The following ZC3H12B variants were observed in gnomAD, a reference collection of about 807,000 sequenced individuals.
ZC3H12B encodes zinc finger CCCH-type containing 12B.
ZC3H12B carries 7 observed loss-of-function variants against 43.9 expected under a neutral mutation model. The observed-to-expected ratio is 0.16, with a 90% confidence interval of 0.09 to 0.30. The LOEUF (loss-of-function observed/expected upper bound fraction) is 0.30, where lower values mean the gene tolerates loss of function less well. Ranked by LOEUF, ZC3H12B falls within the 10% of genes least tolerant of loss-of-function variation. ZC3H12B has a pLI of 1.00. For missense variants in ZC3H12B, 475 were observed against 670.2 expected (o/e 0.71, Z 3.22); for synonymous variants, 222 against 241.7 (o/e 0.92, Z 0.76).
the ZC3H12B span, among the ~76,000 whole-genome samples, chrX:65,319,055 G>A: frequency 9.0e-6 from 1 of 111,263 alleles, no homozygotes; most frequent in African/African-American, 3.3e-5. Context: ...AGCTAGCAGA[G>A]CAGAGGACAA....
At chrX:65,418,595 A>G (rs952969115) in intron 3 of ZC3H12B, among the ~76,000 whole-genome samples, 1 of 112,048 alleles carries the variant, frequency 8.9e-6, no homozygotes, top group African/African-American at 3.2e-5. Context: ...AGCAACAATC[A>G]GAATAGCCTG....
the ZC3H12B span, among the ~76,000 whole-genome samples, chrX:65,135,916 G>A: frequency 3.5e-4 from 38 of 109,907 alleles, no homozygotes; most frequent in East Asian, 1.4e-3. Flanking sequence ...TTTCTTTGCT[G>A]AAGTTCTCTA....
intron 3 of ZC3H12B, among the ~76,000 whole-genome samples, chrX:65,413,428 T>C (rs1391042579): frequency 8.9e-6 from 1 of 112,359 alleles, no homozygotes; most frequent in East Asian, 2.8e-4. Flanking sequence ...TTTTCACTCA[T>C]ATATGGGTCA....
the ZC3H12B span, among the ~76,000 whole-genome samples, chrX:65,102,634 C>T: frequency 6.7e-4 from 75 of 111,762 alleles, no homozygotes; most frequent in African/African-American, 2.4e-3. Flanking sequence ...CTCCCATTCA[C>T]AATTGCTACA....
rs149511714 is a variant in ZC3H12B, at chrX:65,439,017, C to T, written n.407+40313C>T. Among the ~76,000 whole-genome samples, 240 of 112,402 alleles carry T rather than the reference C, an allele frequency of 2.1e-3. 3 individuals carry two copies. The East Asian group carries it at 0.047, about 22-fold the overall frequency. ...ATGGTGAGCTACTTTTCTCAGGAGTCGGGATCCACATCTGCAGACTATACA... is the reference window on the plus strand; with the variant it reads ...ATGGTGAGCTACTTTTCTCAGGAGTTGGGATCCACATCTGCAGACTATACA... On this transcript the variant is annotated intron_variant and non_coding_transcript_variant, in intron 3 of 5. Transcript: ENST00000617377.
At chrX:65,409,197 T>C (rs2066873331) in intron 3 of ZC3H12B, among the ~76,000 whole-genome samples, 1 of 111,454 alleles carries the variant, frequency 9.0e-6, no homozygotes, top group African/African-American at 3.3e-5. Context: ...AAACTAAATC[T>C]TATGTTTACA....
At chrX:65,214,671 G>A in the ZC3H12B span, among the ~76,000 whole-genome samples, 10 of 110,794 alleles carry the variant, frequency 9.0e-5, no homozygotes, top group African/African-American at 2.9e-4. Flanking sequence ...ATAAAGTTTG[G>A]AATAAACTCA....
chrX:65,451,060 G>A (rs1019193835), intron 3 of ZC3H12B, among the ~76,000 whole-genome samples: 1 of 107,945 alleles, frequency 9.3e-6, no homozygotes, highest in African/African-American at 3.4e-5. Context: ...CGATTCTTCT[G>A]CCTCAGCCTC....
chrX:65,155,758 G>A, the ZC3H12B span, among the ~76,000 whole-genome samples: 20 of 110,774 alleles, frequency 1.8e-4, no homozygotes, highest in African/African-American at 5.9e-4. Flanking sequence ...TAGTTGGGAG[G>A]TTGATGTGGG....
At chrX:65,288,310 C>T in the ZC3H12B span, among the ~76,000 whole-genome samples, 14 of 110,720 alleles carry the variant, frequency 1.3e-4, no homozygotes, top group Non-Finnish European at 1.9e-5. Context: ...TTCAATAAGG[C>T]CAGCAATTAC....
In ZC3H12B at chrX:65,382,814, C is replaced by A. The variant is rs760405404; in HGVS notation, n.295+13816C>A. ...AGCATTCTTGTACACCAACAACAGA[C>A]AAACAGAGAGCCAAATCATGAGTGA... On this transcript the variant is annotated intron_variant and non_coding_transcript_variant, in intron 2 of 5. Transcript: ENST00000617377. Among the ~76,000 whole-genome samples, 5 of 111,367 alleles carry A rather than the reference C, an allele frequency of 4.5e-5. 1 individual carries two copies. The Admixed American group carries it at 4.8e-4, about 11-fold the overall frequency.
chrX:65,120,624 A>T, the ZC3H12B span, among the ~76,000 whole-genome samples: 1 of 110,955 alleles, frequency 9.0e-6, no homozygotes, highest in Non-Finnish European at 1.9e-5. Flanking sequence ...TTTTTTCCTA[A>T]TTGAATACCC....
At chrX:65,230,424 A>G in the ZC3H12B span, among the ~76,000 whole-genome samples, 1 of 109,365 alleles carries the variant, frequency 9.1e-6, no homozygotes, top group African/African-American at 3.3e-5. Context: ...TAGGAGATAT[A>G]CCTAATGCTA....
the ZC3H12B span, among the ~76,000 whole-genome samples, chrX:65,105,791 G>A: frequency 9.0e-6 from 1 of 111,124 alleles, no homozygotes; most frequent in African/African-American, 3.3e-5. Flanking sequence ...GGTGGTGATA[G>A]GGAAGCATTT....
At chrX:65,121,354 C>G in the ZC3H12B span, among the ~76,000 whole-genome samples, 1 of 111,467 alleles carries the variant, frequency 9.0e-6, no homozygotes, top group Non-Finnish European at 1.9e-5. Context: ...TTCAGAGAAT[C>G]AGCTTCTTCC....
At chrX:65,217,281 C>T in the ZC3H12B span, among the ~76,000 whole-genome samples, 25 of 112,012 alleles carry the variant, frequency 2.2e-4, no homozygotes, top group East Asian at 8.4e-4. Context: ...GAACCACAGG[C>T]GTAGGTTAAC....
chrX:65,152,486 C>A, the ZC3H12B span, among the ~76,000 whole-genome samples: 2 of 110,915 alleles, frequency 1.8e-5, no homozygotes, highest in African/African-American at 6.5e-5. Context: ...CAACTTTATT[C>A]TCTTTGAAGA....
At chrX:65,079,080 T>G in the ZC3H12B span, among the ~76,000 whole-genome samples, 1 of 111,996 alleles carries the variant, frequency 8.9e-6, no homozygotes, top group Non-Finnish European at 1.9e-5. Flanking sequence ...ACAAGTTCGA[T>G]TGTTTTGATT....
chrX:65,054,795 T>C, the ZC3H12B span, among the ~76,000 whole-genome samples: 1 of 111,565 alleles, frequency 9.0e-6, no homozygotes, highest in Non-Finnish European at 1.9e-5. Context: ...CTTGAAGAAG[T>C]CCTTCACATC....
Sources: gnomAD v4.1 joint callset for allele counts (sites outside exome capture counted in the v4.1 genomes callset) on GRCh38, gnomAD v4.1.1 for gene constraint, MANE v1.5 for transcripts, NCBI Gene and HGNC (gene_info 2026-07-23, HGNC 2026-07-21) for gene names.